The following ZNF362 variants were observed in gnomAD, a reference collection of about 807,000 sequenced individuals.
ZNF362 encodes rotund homolog.
In ZNF362, 11 loss-of-function variants were observed where a neutral mutation model predicts 42.9. That is an observed-to-expected ratio of 0.26 (90% CI 0.16 to 0.42). The LOEUF (loss-of-function observed/expected upper bound fraction) is 0.42, where lower values mean the gene tolerates loss of function less well. Among genes scored for constraint, ZNF362 ranks in the 20% least tolerant of loss-of-function variants. The probability of loss-of-function intolerance (pLI) is 1.00; values close to 1 mark genes in which losing one functional copy is unlikely to be tolerated. For missense variants in ZNF362, 362 were observed against 576.2 expected (o/e 0.63, Z 3.81); for synonymous variants, 255 against 257.3 (o/e 0.99, Z 0.09).
chr1:33,185,614 G>A, the ZNF362 span, among the ~76,000 whole-genome samples: 1 of 152,162 alleles, frequency 6.6e-6, no homozygotes, highest in Admixed American at 6.6e-5. Flanking sequence ...CCATTAAGAT[G>A]CAGAACACTA....
At chr1:33,244,574 A>G in the ZNF362 span, among the ~76,000 whole-genome samples, 13 of 152,164 alleles carry the variant, frequency 8.5e-5, no homozygotes, top group Non-Finnish European at 1.6e-4. The surrounding 1 kb of genome is among the most constrained non-coding windows in gnomAD (Gnocchi z 4.0). Context: ...CCATGGTGCT[A>G]ATTGCTCTGA....
the ZNF362 span, chr1:33,181,447 C>A: frequency 1.3e-6 from 2 of 1,581,168 alleles, no homozygotes; most frequent in East Asian, 2.3e-5. The surrounding 1 kb of genome is among the most constrained non-coding windows in gnomAD (Gnocchi z 6.5). Flanking sequence ...CCAGGGGCAG[C>A]AGAGAGGGGG....
At chr1:33,246,417 G>A in the ZNF362 span, among the ~76,000 whole-genome samples, 1 of 152,152 alleles carries the variant, frequency 6.6e-6, no homozygotes, top group Non-Finnish European at 1.5e-5. Flanking sequence ...TCCCCACCAG[G>A]AACACTCCCA....
intron 1 of ZNF362, among the ~76,000 whole-genome samples, chr1:33,263,023 C>G (rs1645839707): frequency 6.6e-6 from 1 of 152,262 alleles, no homozygotes. Flanking sequence ...TCTGCACATT[C>G]TCCCACACGC....
At chr1:33,222,780 G>A in the ZNF362 span, among the ~76,000 whole-genome samples, 1 of 152,102 alleles carries the variant, frequency 6.6e-6, no homozygotes, top group African/African-American at 2.4e-5. Flanking sequence ...CTCTCATAGA[G>A]GCCTTCTTTG....
chr1:33,229,683 G>A, the ZNF362 span, among the ~76,000 whole-genome samples: 1 of 151,996 alleles, frequency 6.6e-6, no homozygotes, highest in Non-Finnish European at 1.5e-5. Context: ...GGGATTACAG[G>A]CGTGAACCAC....
chr1:33,228,053 GT>G, the ZNF362 span, among the ~76,000 whole-genome samples: 4 of 152,086 alleles, frequency 2.6e-5, no homozygotes, highest in African/African-American at 9.7e-5. Context: ...TGGGACCTCA[GT>G]TGCCCCCTGG....
At chr1:33,258,633 C>T (rs1484187577) in intron 1 of ZNF362, among the ~76,000 whole-genome samples, 1 of 152,142 alleles carries the variant, frequency 6.6e-6, no homozygotes, top group African/African-American at 2.4e-5. Context: ...GCTGGGCTCC[C>T]TCCACTGTTC....
At chr1:33,273,182 C>T (rs1354028915) in intron 2 of ZNF362, among the ~76,000 whole-genome samples, 3 of 152,244 alleles carry the variant, frequency 2.0e-5, no homozygotes, top group Non-Finnish European at 2.9e-5. Flanking sequence ...GCAGGAAGAG[C>T]TCAGGAAATG....
At chr1:33,133,619 T>C in the ZNF362 span, among the ~76,000 whole-genome samples, 1 of 152,152 alleles carries the variant, frequency 6.6e-6, no homozygotes, top group Non-Finnish European at 1.5e-5. Context: ...GCCAAAGGGA[T>C]GGGGCATCAG....
the ZNF362 span, among the ~76,000 whole-genome samples, chr1:33,199,451 A>G: frequency 2.0e-3 from 301 of 152,326 alleles, no homozygotes; most frequent in African/African-American, 7.0e-3. Flanking sequence ...TGAAGGGGAA[A>G]TAAATACTTT....
At chr1:33,144,958 G>A in the ZNF362 span, among the ~76,000 whole-genome samples, 4 of 152,226 alleles carry the variant, frequency 2.6e-5, no homozygotes, top group African/African-American at 9.6e-5. Context: ...TAAATTATGT[G>A]AAATTGGTAT....
At chr1:33,188,674 C>T in the ZNF362 span, among the ~76,000 whole-genome samples, 1 of 152,166 alleles carries the variant, frequency 6.6e-6, no homozygotes, top group East Asian at 1.9e-4. Flanking sequence ...GTAGTAATAC[C>T]TAGGTCAGCC....
chr1:33,293,226 C>G (rs899888257), intron 6 of ZNF362, among the ~76,000 whole-genome samples: 1 of 152,194 alleles, frequency 6.6e-6, no homozygotes, highest in Admixed American at 6.5e-5. Context: ...GGCAAAAGAG[C>G]TGGGGAGGTC....
At chr1:33,236,462 C>T in the ZNF362 span, among the ~76,000 whole-genome samples, 1 of 140,732 alleles carries the variant, frequency 7.1e-6, no homozygotes, top group East Asian at 2.2e-4. Context: ...AGGCAGGAGA[C>T]TTGCTTGAAC....
upstream of ZNF362, among the ~76,000 whole-genome samples, chr1:33,253,435 G>A (rs189331322): frequency 3.1e-3 from 469 of 151,922 alleles, no homozygotes; most frequent in Non-Finnish European, 5.1e-3. Flanking sequence ...TGAGGCGAAA[G>A]GGCAAGGGAG....
At chr1:33,271,574 C>T (rs1645904512) in intron 2 of ZNF362, among the ~76,000 whole-genome samples, 1 of 152,210 alleles carries the variant, frequency 6.6e-6, no homozygotes, top group Non-Finnish European at 1.5e-5. Flanking sequence ...GGCTGTTCCA[C>T]AGTCCTGGTG....
chr1:33,189,647 A>ATATATATATG, the ZNF362 span, among the ~76,000 whole-genome samples: 1 of 16,658 alleles, frequency 6.0e-5, no homozygotes, highest in African/African-American at 1.2e-4. Context: ...ATATATATAT[A>ATATATATATG]TATATATATA....
chr1:33,268,351 T>A (rs1309098842), intron 1 of ZNF362, among the ~76,000 whole-genome samples: 1 of 152,210 alleles, frequency 6.6e-6, no homozygotes, highest in South Asian at 2.1e-4. Flanking sequence ...CCCACCTGAT[T>A]ATTAAGTAAG....
Sources: allele counts gnomAD v4.1 joint callset (sites outside exome capture counted in the v4.1 genomes callset), GRCh38; gene constraint gnomAD v4.1.1; non-coding constraint Gnocchi (gnomAD v3.1); transcripts MANE v1.5; gene names NCBI Gene and HGNC (gene_info 2026-07-23, HGNC 2026-07-21).